RGCC: variants seen among roughly 807,000 people sequenced by gnomAD.
The protein encoded by RGCC is regulator of cell cycle RGCC.
RGCC carries 15 observed loss-of-function variants against 15.4 expected under a neutral mutation model. The ratio of observed to expected loss-of-function variants is 0.97; its 90% CI spans 0.65 to 1.50. The LOEUF (loss-of-function observed/expected upper bound fraction) is 1.50, where lower values mean the gene tolerates loss of function less well. RGCC is among the 40% of genes most tolerant of loss of function. The probability of loss-of-function intolerance (pLI) is 0.00; values close to 1 mark genes in which losing one functional copy is unlikely to be tolerated. For synonymous variants in RGCC, 81 were observed against 78.0 expected (o/e 1.04, Z -0.20); for missense variants, 176 against 189.7 (o/e 0.93, Z 0.42).
chr13:41,470,528 A>G lies in RGCC; in HGVS notation c.*43A>G. The G allele has an allele frequency of 6.2e-7, 1 of 1,607,400 alleles. No homozygotes were observed. On this transcript the variant is annotated 3_prime_UTR_variant, in exon 5 of 5. Transcript: ENST00000379359. ...CCTTTCATCATAAGGGAGAAGCTTC[A>G]GAAAGTTCCGAGGACCTGCTAAAAT...
intron 2 of RGCC, among the ~76,000 whole-genome samples, chr13:41,463,469 C>CTGTG (rs67077388): frequency 3.3e-5 from 4 of 121,094 alleles, no homozygotes; most frequent in African/African-American, 1.3e-4. Flanking sequence ...TAATGTGTAT[C>CTGTG]TGTGTGTGTG....
At chr13:41,466,234 T>G (rs1384355004) in intron 2 of RGCC, among the ~76,000 whole-genome samples, 1 of 147,086 alleles carries the variant, frequency 6.8e-6, no homozygotes, top group Admixed American at 6.8e-5. Flanking sequence ...CACACACATA[T>G]TCTCACACAC....
At chr13:41,467,905 CT>C (rs2139578187) in intron 3 of RGCC, among the ~76,000 whole-genome samples, 1 of 152,266 alleles carries the variant, frequency 6.6e-6, no homozygotes, top group South Asian at 2.1e-4. Context: ...AAAAAAGCCC[CT>C]AGTGGCAAAT....
chr13:41,462,169 T>A (rs570735002), intron 2 of RGCC, among the ~76,000 whole-genome samples: 1 of 152,354 alleles, frequency 6.6e-6, no homozygotes, highest in East Asian at 1.9e-4. Flanking sequence ...GTTTGCTTGC[T>A]TTAAACGTGT....
intron 2 of RGCC, chr13:41,464,106 T>A (rs1379601839): frequency 6.6e-6 from 1 of 152,464 alleles, no homozygotes; most frequent in Non-Finnish European, 1.5e-5. Flanking sequence ...TTGTGGGAGA[T>A]AGAGAGCGGA....
At chr13:41,465,060 A>T (rs1009487483) in intron 2 of RGCC, among the ~76,000 whole-genome samples, 8 of 152,156 alleles carry the variant, frequency 5.3e-5, no homozygotes, top group African/African-American at 1.9e-4. Flanking sequence ...TCTTCCGAAA[A>T]CTCTGATACT....
chr13:41,467,593 G>C (rs184964748), intron 3 of RGCC, among the ~76,000 whole-genome samples: 4 of 152,220 alleles, frequency 2.6e-5, no homozygotes, highest in Admixed American at 6.5e-5. Context: ...CTTAAGAAAA[G>C]TTATACTTGC....
intron 2 of RGCC, among the ~76,000 whole-genome samples, chr13:41,463,186 C>G (rs562235137): frequency 6.6e-6 from 1 of 152,276 alleles, no homozygotes; most frequent in Admixed American, 6.5e-5. Context: ...GACACCCACT[C>G]GACAGTGGCA....
chr13:41,458,609 GC>G lies in RGCC; in HGVS notation c.235+140del. ...GCTCAACGCAGTAGGCCGAGTGGTG[GC>G]GGGGCCCCTGACGATAATCACGGGA... On this transcript the variant is annotated intron_variant, in intron 2 of 4. Coordinates refer to ENST00000379359, the MANE Select transcript of RGCC (RefSeq NM_014059.3). This position sits in a 1 kb window ranked among gnomAD's most constrained non-coding sequence, Gnocchi z 4.4. 1 of 1,003,592 alleles carries G rather than the reference GC, an allele frequency of 1.0e-6. No homozygotes were observed. 62.2% of individuals were successfully genotyped at this position (1,003,592 alleles called of 1,614,324 possible).
At chr13:41,467,803 A>G (rs1333558) in intron 3 of RGCC, among the ~76,000 whole-genome samples, 102,491 of 152,020 alleles carry the variant, frequency 0.67, 35,397 homozygotes, top group South Asian at 0.81. Flanking sequence ...GTAATGAATC[A>G]GTTGAATTCA....
chr13:41,458,758 C>T lies in RGCC; in HGVS notation c.235+288C>T, dbSNP rs2043806869. The stretch of plus-strand genomic sequence containing the variant: ...TCCCTGGACCTGCACCAGGCCTTTC[C>T]GCAGTTTCCCTCCTCTTCTCCTTTC... On this transcript the variant is annotated intron_variant, in intron 2 of 4. Transcript: ENST00000379359. The surrounding 1 kb of genome is among the most constrained non-coding windows in gnomAD (Gnocchi z 4.4). Among the ~76,000 whole-genome samples the T allele has an allele frequency of 6.6e-6, 1 of 152,146 alleles. No individual in the cohort carries two copies.
chr13:41,464,371 A>G (rs551971833), intron 2 of RGCC, among the ~76,000 whole-genome samples: 22 of 152,186 alleles, frequency 1.4e-4, no homozygotes, highest in Non-Finnish European at 2.9e-4. Context: ...GACAACAGTA[A>G]GGCTTCCTTG....
chr13:41,460,877 T>C (rs1368473665), intron 2 of RGCC, among the ~76,000 whole-genome samples: 2 of 152,222 alleles, frequency 1.3e-5, no homozygotes, highest in Non-Finnish European at 2.9e-5. Context: ...TGTTTTTTGC[T>C]CTAGTTTTTA....
In RGCC at chr13:41,457,865, CG is replaced by C; in HGVS notation, c.49+111del. 7.5e-7 allele frequency: 1 copy of C among 1,325,042 alleles called. No homozygotes were observed. Among genetic ancestry groups the C allele is most frequent in the Non-Finnish European group, 9.7e-7 (1 of 1,031,462 alleles). The allele number at this position is 1,325,042 out of a possible 1,614,324, so 82.1% of individuals were successfully genotyped here. On this transcript the variant is annotated intron_variant, in intron 1 of 4. Transcript: ENST00000379359. This position sits in a 1 kb window ranked among gnomAD's most constrained non-coding sequence, Gnocchi z 4.9. The stretch of plus-strand genomic sequence containing the variant: ...ACACCCCCCACCCTTCCATCCTCCC[CG>C]GCGGGAACCTGTCCCCGGTCTTCCC...
chr13:41,466,222 C>T (rs973085383), intron 2 of RGCC, among the ~76,000 whole-genome samples: 18 of 148,722 alleles, frequency 1.2e-4, no homozygotes, highest in Non-Finnish European at 2.1e-4. Context: ...CACACTTTCT[C>T]ACACACACAT....
In RGCC at chr13:41,457,568, G is replaced by A. The variant is rs1367338089; in HGVS notation, c.-140G>A. On this transcript the variant is annotated 5_prime_UTR_variant, in exon 1 of 5. Transcript: ENST00000379359. The surrounding 1 kb of genome is among the most constrained non-coding windows in gnomAD (Gnocchi z 4.9). ...CGGTGGTAGGGCGGGCGCGGACCGT[G>A]CTGGGAGCGGCGCGGCTGGAGCGCA... The A allele has an allele frequency of 2.9e-6, 4 of 1,370,560 alleles. No individual in the cohort carries two copies. Among genetic ancestry groups the A allele is most frequent in the Non-Finnish European group, 3.8e-6 (4 of 1,057,374 alleles). The allele number at this position is 1,370,560 out of a possible 1,614,324, so 84.9% of individuals were successfully genotyped here. A position where few individuals can be genotyped will look rare whatever the true frequency, so the allele number is the denominator to read the frequency against.
chr13:41,460,519 A>G (rs1183250993), intron 2 of RGCC, among the ~76,000 whole-genome samples: 3 of 152,220 alleles, frequency 2.0e-5, no homozygotes, highest in African/African-American at 7.2e-5. Flanking sequence ...AATGGGAACC[A>G]TGTCTTCACG....
chr13:41,458,326 G>C lies in RGCC; in HGVS notation c.91G>C (p.Ala31Pro). The change falls in exon 2 of 5, where the codon GCG becomes CCG. Residue 31 changes from alanine to proline, a missense_variant. Ala to Pro is a conservative substitution (Grantham distance 27). Transcript: ENST00000379359. This position sits in a 1 kb window ranked among gnomAD's most constrained non-coding sequence, Gnocchi z 4.4. Reference sequence around the variant, plus strand: ...GGCGGCCGCGGAGGACCTGTCGGACGCGCTGTGCGAGTTTGACGCGGTGCT... The same window carrying C: ...GGCGGCCGCGGAGGACCTGTCGGACCCGCTGTGCGAGTTTGACGCGGTGCT... ...DSAAAEDLSDALCEFDAVLAD... is the reference protein window; with the variant it reads ...DSAAAEDLSDPLCEFDAVLAD... The C allele has an allele frequency of 6.3e-7, 1 of 1,586,198 alleles. No individual in the cohort carries two copies. Among genetic ancestry groups the C allele is most frequent in the Non-Finnish European group, 8.5e-7 (1 of 1,172,978 alleles).
At position 41,457,848 on chromosome 13, in the gene RGCC, C is replaced by G. The variant is rs1321078605; in HGVS notation, c.49+92C>G. On this transcript the variant is annotated intron_variant, in intron 1 of 4. Transcript: ENST00000379359. The surrounding 1 kb of genome is among the most constrained non-coding windows in gnomAD (Gnocchi z 4.9). ...CCCCGTGTCGTCCCTTCACACCCCCCACCCTTCCATCCTCCCCGGCGGGAA... is the reference window on the plus strand; with the variant it reads ...CCCCGTGTCGTCCCTTCACACCCCCGACCCTTCCATCCTCCCCGGCGGGAA... The G allele has an allele frequency of 8.2e-6, 11 of 1,342,082 alleles. 1 individual carries two copies. The Admixed American group carries it at 3.5e-4, about 43-fold the overall frequency. The allele number at this position is 1,342,082 out of a possible 1,614,324, so 83.1% of individuals were successfully genotyped here.
Sources: gnomAD v4.1 joint callset for allele counts (sites outside exome capture counted in the v4.1 genomes callset) on GRCh38, gnomAD v4.1.1 for gene constraint, Gnocchi (gnomAD v3.1) non-coding constraint, MANE v1.5 for transcripts, NCBI Gene and HGNC (gene_info 2026-07-23, HGNC 2026-07-21) for gene names.